The following THSD7B variants were observed in gnomAD, a reference collection of about 807,000 sequenced individuals.
THSD7B encodes the protein thrombospondin type-1 domain-containing protein 7B.
Under a neutral mutation model 213.6 loss-of-function variants are expected in THSD7B, and 138 were observed. The ratio of observed to expected loss-of-function variants is 0.65; its 90% CI spans 0.56 to 0.74. THSD7B has a LOEUF of 0.74. Ranked by LOEUF, THSD7B falls within the 30% of genes least tolerant of loss-of-function variation. The pLI, the probability that THSD7B is intolerant of heterozygous loss-of-function variation, is 0.00. For synonymous variants in THSD7B, 742 were observed against 687.0 expected, an observed-to-expected ratio of 1.08 and a Z score of -1.25; for missense variants, 1,931 against 1,991.5, an observed-to-expected ratio of 0.97 and a Z score of 0.58.
chr2:136,824,766 C>T lies in THSD7B; in HGVS notation c.-35-57378C>T, dbSNP rs183238401. ...CTGTGTTTCTTATGCAGAACTAGTG[C>T]TCGAGATGCATGCTAACTCCCTAGC... On this transcript the variant is annotated intron_variant, in intron 1 of 27. Coordinates refer to ENST00000409968, the MANE Select transcript of THSD7B (RefSeq NM_001316349.2). 2.6e-5 allele frequency among the ~76,000 whole-genome samples: 4 copies of T among 152,222 alleles called. No homozygotes were observed. The East Asian group carries it at 7.7e-4, about 29-fold the overall frequency.
chr2:136,929,707 T>C (rs897987222), intron 2 of THSD7B, among the ~76,000 whole-genome samples: 4 of 152,160 alleles, frequency 2.6e-5, no homozygotes, highest in South Asian at 2.1e-4. Flanking sequence ...AGGAGGTAGG[T>C]GCTGGTGTCC....
intron 2 of THSD7B, among the ~76,000 whole-genome samples, chr2:137,039,187 A>G (rs1482764306): frequency 6.6e-6 from 1 of 152,138 alleles, no homozygotes; most frequent in Non-Finnish European, 1.5e-5. Flanking sequence ...GAGAATAGCA[A>G]TGGGTTTCAA....
chr2:136,891,661 C>T (rs528704423), intron 2 of THSD7B, among the ~76,000 whole-genome samples: 18 of 152,220 alleles, frequency 1.2e-4, no homozygotes, highest in Non-Finnish European at 2.4e-4. Context: ...AAGACATCAT[C>T]ATTCTCTGCC....
chr2:137,554,301 T>C (rs922391211), intron 15 of THSD7B, among the ~76,000 whole-genome samples: 8 of 152,118 alleles, frequency 5.3e-5, no homozygotes, highest in Non-Finnish European at 1.0e-4. Flanking sequence ...CCCTTCACCT[T>C]ATGTCTTGCG....
intron 2 of THSD7B, among the ~76,000 whole-genome samples, chr2:137,047,522 C>T (rs183695122): frequency 4.5e-4 from 69 of 152,200 alleles, no homozygotes; most frequent in African/African-American, 1.5e-3. Flanking sequence ...GAAACTGCTT[C>T]TAATTTTAAA....
At chr2:137,325,213 A>G (rs912306849) in intron 12 of THSD7B, among the ~76,000 whole-genome samples, 8 of 151,468 alleles carry the variant, frequency 5.3e-5, no homozygotes, top group African/African-American at 2.0e-4. Flanking sequence ...TCACAGACAG[A>G]AACTCCACAT....
At chr2:137,369,847 A>G (rs1685504126) in intron 12 of THSD7B, among the ~76,000 whole-genome samples, 1 of 152,234 alleles carries the variant, frequency 6.6e-6, no homozygotes, top group South Asian at 2.1e-4. Context: ...TAAGGTGTCA[A>G]AAGCCAAGGA....
chr2:136,944,268 C>A (rs1030291321), intron 2 of THSD7B, among the ~76,000 whole-genome samples: 4 of 152,138 alleles, frequency 2.6e-5, no homozygotes, highest in African/African-American at 9.7e-5. Context: ...GATTTCTGTT[C>A]TTTCACATTT....
intron 5 of THSD7B, among the ~76,000 whole-genome samples, chr2:137,155,796 A>G (rs1679899956): frequency 6.6e-6 from 1 of 152,220 alleles, no homozygotes; most frequent in African/African-American, 2.4e-5. Flanking sequence ...TTAAAGTGTT[A>G]AATTTATTTA....
intron 12 of THSD7B, among the ~76,000 whole-genome samples, chr2:137,330,883 T>C (rs1043173640): frequency 1.3e-5 from 2 of 152,098 alleles, no homozygotes; most frequent in Non-Finnish European, 2.9e-5. Flanking sequence ...TAGAGCCGAG[T>C]GGTCTGTTTT....
chr2:136,958,222 G>A (rs946789483), intron 2 of THSD7B, among the ~76,000 whole-genome samples: 1 of 152,094 alleles, frequency 6.6e-6, no homozygotes, highest in Non-Finnish European at 1.5e-5. Flanking sequence ...CAAAAGTGAC[G>A]CTAAAGATTT....
chr2:137,156,691 C>T lies in THSD7B; in HGVS notation c.1370-3522C>T, dbSNP rs541356180. On this transcript the variant is annotated intron_variant, in intron 5 of 27. Transcript: ENST00000409968. ...GTGGAGACACAGTGTCCTTGACAAA[C>T]GCAGCTTCAGAACGTATTTCCCAGG... Among the ~76,000 whole-genome samples, 48 of 152,278 alleles carry T rather than the reference C, an allele frequency of 3.2e-4. 1 individual carries two copies. The highest frequency in any genetic ancestry group is 9.4e-4 in the African/African-American group (39 of 41,546).
intron 12 of THSD7B, among the ~76,000 whole-genome samples, chr2:137,398,877 T>A (rs1686275898): frequency 6.6e-6 from 1 of 152,206 alleles, no homozygotes; most frequent in South Asian, 2.1e-4. Flanking sequence ...TGCACCGTTT[T>A]TTAAGCCTGT....
At chr2:137,458,561 A>G (rs1453601860) in intron 15 of THSD7B, among the ~76,000 whole-genome samples, 1 of 152,130 alleles carries the variant, frequency 6.6e-6, no homozygotes, top group Non-Finnish European at 1.5e-5. Flanking sequence ...TAGTTTTGGC[A>G]CCCATCAAGC....
chr2:137,275,538 G>A, intron 11 of THSD7B, among the ~76,000 whole-genome samples: 1 of 136,152 alleles, frequency 7.3e-6, no homozygotes, highest in East Asian at 2.1e-4. Context: ...TTCTTGTATT[G>A]TTTTTTTTTT....
chr2:137,358,556 TGAA>T (rs1685184778), intron 12 of THSD7B, among the ~76,000 whole-genome samples: 1 of 152,242 alleles, frequency 6.6e-6, no homozygotes, highest in Non-Finnish European at 1.5e-5. Context: ...TATTGTTTTA[TGAA>T]GGATAGCATC....
At chr2:137,082,992 C>T (rs1329234962) in intron 3 of THSD7B, among the ~76,000 whole-genome samples, 1 of 152,012 alleles carries the variant, frequency 6.6e-6, no homozygotes, top group African/African-American at 2.4e-5. Flanking sequence ...TCTCTTTATT[C>T]CACAGAAGCA....
At chr2:137,485,799 A>G (rs892821166) in intron 15 of THSD7B, among the ~76,000 whole-genome samples, 10 of 152,146 alleles carry the variant, frequency 6.6e-5, no homozygotes, top group Non-Finnish European at 1.0e-4. Flanking sequence ...CGGATCTCTC[A>G]GCAGAAACTC....
At chr2:136,859,279 T>C (rs946144306) in intron 1 of THSD7B, among the ~76,000 whole-genome samples, 1 of 152,176 alleles carries the variant, frequency 6.6e-6, no homozygotes, top group South Asian at 2.1e-4. Context: ...GGAACAAACA[T>C]TACCAATTTT....
Sources: gnomAD v4.1 joint callset for allele counts (sites outside exome capture counted in the v4.1 genomes callset) on GRCh38, gnomAD v4.1.1 for gene constraint, MANE v1.5 for transcripts, NCBI Gene and HGNC (gene_info 2026-07-23, HGNC 2026-07-21) for gene names.